Variants in CTNND2 observed in about 807,000 individuals in gnomAD.
CTNND2 encodes the protein catenin delta-2.
Under a neutral mutation model 144.4 loss-of-function variants are expected in CTNND2, and 22 were observed. The ratio of observed to expected loss-of-function variants is 0.15; its 90% CI spans 0.11 to 0.22. CTNND2 has a LOEUF of 0.22. Ranked by LOEUF, CTNND2 falls within the 10% of genes least tolerant of loss-of-function variation. The probability of loss-of-function intolerance (pLI) is 1.00; values close to 1 mark genes in which losing one functional copy is unlikely to be tolerated. For missense variants in CTNND2, 1,353 were observed against 1,618.8 expected (o/e 0.84, Z 2.82); for synonymous variants, 751 against 695.6 (o/e 1.08, Z -1.25).
intron 18 of CTNND2, among the ~76,000 whole-genome samples, chr5:11,001,717 A>G (rs1561152789): frequency 1.3e-5 from 2 of 152,186 alleles, no homozygotes. Flanking sequence ...CTTTTATGAC[A>G]TACTCGCAAC....
At chr5:11,791,380 T>C (rs986819754) in intron 1 of CTNND2, among the ~76,000 whole-genome samples, 2 of 152,152 alleles carry the variant, frequency 1.3e-5, no homozygotes, top group African/African-American at 4.8e-5. Context: ...AAGAAAATGC[T>C]GATATTAAGC....
At chr5:11,777,673 A>G (rs1367462361) in intron 1 of CTNND2, among the ~76,000 whole-genome samples, 1 of 152,156 alleles carries the variant, frequency 6.6e-6, no homozygotes, top group African/African-American at 2.4e-5. Context: ...CATGCTTGCT[A>G]GGCAAAAACA....
chr5:11,807,144 T>C (rs995458479), intron 1 of CTNND2, among the ~76,000 whole-genome samples: 6 of 152,150 alleles, frequency 3.9e-5, no homozygotes, highest in African/African-American at 1.2e-4. Flanking sequence ...TTCAGGAGGA[T>C]TTCATATTGA....
rs762236742 is a variant in CTNND2 at position 11,082,808 on chromosome 5, T to C, written c.2676A>G (p.Lys892=). 5.0e-6 allele frequency: 8 copies of C among 1,614,024 alleles called. No homozygotes were observed. The African/African-American group carries it at 1.1e-4, about 22-fold the overall frequency. ...VYIRAAVRKE[K]GLPILVELLR... Reference sequence around the variant, plus strand: ...GCAGCTCCACGAGGATGGGCAGGCCTTTCTCTTTTCGGACAGCGGCTCGGA... The same window carrying C: ...GCAGCTCCACGAGGATGGGCAGGCCCTTCTCTTTTCGGACAGCGGCTCGGA... Residue 892 remains lysine, a synonymous_variant, in exon 16 of 22, where the codon AAA becomes AAG. Coordinates refer to ENST00000304623, the MANE Select transcript of CTNND2 (RefSeq NM_001332.4).
chr5:11,607,090 A>G (rs143372866), intron 2 of CTNND2, among the ~76,000 whole-genome samples: 11 of 152,320 alleles, frequency 7.2e-5, no homozygotes, highest in African/African-American at 2.4e-4. Flanking sequence ...CTGCTTCTGT[A>G]AGCCAGGGAA....
chr5:11,412,162 A>G, intron 3 of CTNND2, 93 bp from the exon 4 acceptor site: 2 of 898,222 alleles, frequency 2.2e-6, no homozygotes, highest in South Asian at 2.8e-5. Flanking sequence ...TTAGGGTAGT[A>G]ACAGTGGCCC....
At chr5:11,396,399 T>C (rs531391500) in intron 6 of CTNND2, among the ~76,000 whole-genome samples, 335 of 152,284 alleles carry the variant, frequency 2.2e-3, no homozygotes, top group Non-Finnish European at 3.2e-3. Flanking sequence ...TCCAGATTGG[T>C]AGCTGCTTCT....
intron 1 of CTNND2, among the ~76,000 whole-genome samples, chr5:11,865,757 G>A (rs1795730787): frequency 6.6e-6 from 1 of 151,992 alleles, no homozygotes; most frequent in Admixed American, 6.6e-5. Flanking sequence ...ATAATCATAA[G>A]GGTCTTGAGA....
chr5:11,330,782 CAAAAA>C (rs70949317), intron 9 of CTNND2, among the ~76,000 whole-genome samples: 22 of 139,568 alleles, frequency 1.6e-4, no homozygotes, highest in African/African-American at 4.4e-4. Flanking sequence ...AACTCTGTAT[CAAAAA>C]AAAAAAAAAA....
At position 11,738,967 on chromosome 5, in the gene CTNND2, T is replaced by C. The variant is rs113598695; in HGVS notation, c.38-6695A>G. Reference sequence around the variant, plus strand: ...TTCCAGCATTTCCAAACTGCAAGTATGCTGTGGGAAGCTAGAGATTTCATT... The same window carrying C: ...TTCCAGCATTTCCAAACTGCAAGTACGCTGTGGGAAGCTAGAGATTTCATT... On this transcript the variant is annotated intron_variant, in intron 1 of 21. Transcript: ENST00000304623. Among the ~76,000 whole-genome samples, 1,273 of 152,320 alleles carry C rather than the reference T, an allele frequency of 8.4e-3. 11 individuals are homozygous for C. The highest frequency in any genetic ancestry group is 0.014 in the Non-Finnish European group (984 of 68,026).
At chr5:11,701,859 T>G (rs1173459057) in intron 2 of CTNND2, among the ~76,000 whole-genome samples, 1 of 152,232 alleles carries the variant, frequency 6.6e-6, no homozygotes, top group Non-Finnish European at 1.5e-5. Flanking sequence ...GGCTGAGTTA[T>G]GCTGCAGTAA....
chr5:11,408,332 C>G (rs1761253254), intron 5 of CTNND2, among the ~76,000 whole-genome samples: 1 of 151,968 alleles, frequency 6.6e-6, no homozygotes, highest in African/African-American at 2.4e-5. Flanking sequence ...TATTGATGCC[C>G]AAAATGATAG....
chr5:11,858,181 T>G (rs967090884), intron 1 of CTNND2, among the ~76,000 whole-genome samples: 2 of 152,250 alleles, frequency 1.3e-5, no homozygotes, highest in African/African-American at 4.8e-5. Context: ...ATGTTTCTTC[T>G]TATCAATCCC....
intron 3 of CTNND2, among the ~76,000 whole-genome samples, chr5:11,544,100 T>A (rs1026508594): frequency 6.6e-6 from 1 of 152,100 alleles, no homozygotes; most frequent in Non-Finnish European, 1.5e-5. Context: ...GAAAAGCATA[T>A]GTAATATACT....
At chr5:11,089,000 A>G (rs1750470683) in intron 15 of CTNND2, among the ~76,000 whole-genome samples, 1 of 152,202 alleles carries the variant, frequency 6.6e-6, no homozygotes, top group African/African-American at 2.4e-5. Flanking sequence ...TGACTTTCAT[A>G]AGAGAACATA....
At chr5:11,119,679 A>G (rs1055402085) in intron 12 of CTNND2, among the ~76,000 whole-genome samples, 1 of 152,244 alleles carries the variant, frequency 6.6e-6, no homozygotes, top group Non-Finnish European at 1.5e-5. Context: ...TTTGTCAAAG[A>G]TTCTGAATCA....
chr5:11,706,249 G>A (rs982076221), intron 2 of CTNND2, among the ~76,000 whole-genome samples: 6 of 152,150 alleles, frequency 3.9e-5, no homozygotes, highest in African/African-American at 1.4e-4. Context: ...CATCTGACTC[G>A]CAGAAACTGA....
intron 3 of CTNND2, among the ~76,000 whole-genome samples, chr5:11,510,539 T>G (rs7731902): frequency 0.067 from 10,183 of 152,288 alleles, 1,172 homozygotes; most frequent in African/African-American, 0.23. Context: ...TATTAACTAT[T>G]ATTAGGACTC....
chr5:11,098,631 C>G lies in CTNND2; in HGVS notation c.2581G>C (p.Asp861His). 1 of 1,614,168 alleles carries G rather than the reference C, an allele frequency of 6.2e-7. No homozygotes were observed. The highest frequency in any genetic ancestry group is 8.5e-7 in the Non-Finnish European group (1 of 1,180,012). The change falls in exon 15 of 22, where the codon GAC (aspartate) becomes CAC (histidine). Residue 861 changes from aspartate (D) to histidine (H), a missense_variant. This residue lies in a region of CTNND2 where 459 missense variants were observed against 674.3 expected (regional missense o/e 0.68). Transcript: ENST00000304623. ...LTLLSECSNP[D>H]TLEGAAGALQ... ...GCGCCTGCCGCCCCTTCCAGCGTGT[C>G]TGGATTTGAGCACTCAGAGAGCAGT...
Sources: allele counts gnomAD v4.1 joint callset (sites outside exome capture counted in the v4.1 genomes callset), GRCh38; gene constraint gnomAD v4.1.1; regional missense constraint gnomAD v4.1.1; transcripts MANE v1.5; gene names NCBI Gene and HGNC (gene_info 2026-07-23, HGNC 2026-07-21).